NPLOC4: variants seen among roughly 807,000 people sequenced by gnomAD.
NPLOC4 encodes the protein NPL4 homolog, ubiquitin recognition factor, also known as nuclear protein localization protein 4 homolog.
In NPLOC4, 18 loss-of-function variants were observed where a neutral mutation model predicts 80.6. That is an observed-to-expected ratio of 0.22 (90% CI 0.15 to 0.33). The LOEUF is 0.33. Among genes scored for constraint, NPLOC4 ranks in the 10% least tolerant of loss-of-function variants. The pLI, the probability that NPLOC4 is intolerant of heterozygous loss-of-function variation, is 1.00. For synonymous variants in NPLOC4, 313 were observed against 301.5 expected (o/e 1.04, Z -0.39); for missense variants, 540 against 786.1 (o/e 0.69, Z 3.74).
chr17:81,589,754 C>CT (rs1288281963), intron 11 of NPLOC4, among the ~76,000 whole-genome samples: 1 of 151,416 alleles, frequency 6.6e-6, no homozygotes, highest in Non-Finnish European at 1.5e-5. Context: ...TCTGAGCACT[C>CT]TGAGAGGGCA....
intron 12 of NPLOC4, among the ~76,000 whole-genome samples, chr17:81,574,980 A>G (rs945013400): frequency 1.1e-4 from 16 of 152,346 alleles, no homozygotes; most frequent in African/African-American, 3.8e-4. Context: ...GCTTTAGAAA[A>G]GGTAAATGAA....
intron 1 of NPLOC4, among the ~76,000 whole-genome samples, chr17:81,630,364 T>C (rs762376884): frequency 6.6e-6 from 1 of 152,120 alleles, no homozygotes; most frequent in African/African-American, 2.4e-5. Flanking sequence ...CACAGCTTAC[T>C]GCAGCCTTGA....
chr17:81,631,438 T>TATA (rs1568170977), intron 1 of NPLOC4, among the ~76,000 whole-genome samples: 336 of 25,880 alleles, frequency 0.013, 6 homozygotes, highest in African/African-American at 0.04. Context: ...ATATATATAT[T>TATA]TTTTTTTTTT....
rs2034078398 is a variant in NPLOC4, at chr17:81,568,666, C to A, written c.1449+350G>T. 3.9e-5 allele frequency among the ~76,000 whole-genome samples: 6 copies of A among 152,356 alleles called. No homozygotes were observed. The South Asian group carries it at 1.2e-3, about 32-fold the overall frequency. Reference sequence around the variant, plus strand: ...GCCAGGCCGAGAGGGGCCACACAGCCCCAAGGTGCCTAAGAAGGGCAGCAG... The same window carrying A: ...GCCAGGCCGAGAGGGGCCACACAGCACCAAGGTGCCTAAGAAGGGCAGCAG... On this transcript the variant is annotated intron_variant, in intron 14 of 16. Transcript: ENST00000331134.
chr17:81,584,761 T>C (rs1375288298), intron 12 of NPLOC4, among the ~76,000 whole-genome samples: 2 of 152,196 alleles, frequency 1.3e-5, no homozygotes, highest in Admixed American at 6.5e-5. Flanking sequence ...TTTAAGATAG[T>C]GCTATTTTGT....
intron 1 of NPLOC4, chr17:81,636,307 T>C (rs2036070719): frequency 1.3e-5 from 2 of 152,176 alleles, no homozygotes; most frequent in Non-Finnish European, 2.9e-5. Context: ...GAAATCAACA[T>C]CATTTACAAC....
chr17:81,620,167 C>G (rs1055524914), intron 3 of NPLOC4, among the ~76,000 whole-genome samples: 1 of 152,154 alleles, frequency 6.6e-6, no homozygotes, highest in Non-Finnish European at 1.5e-5. Context: ...AAAAGCAAGA[C>G]TAACTGGCAG....
intron 12 of NPLOC4, among the ~76,000 whole-genome samples, chr17:81,573,211 T>A (rs1388073103): frequency 6.6e-6 from 1 of 152,196 alleles, no homozygotes; most frequent in Non-Finnish European, 1.5e-5. Flanking sequence ...AAATTATACA[T>A]CCATAATTTC....
chr17:81,585,292 A>T (rs1472226413), intron 12 of NPLOC4, among the ~76,000 whole-genome samples: 1 of 152,012 alleles, frequency 6.6e-6, no homozygotes, highest in Non-Finnish European at 1.5e-5. Flanking sequence ...ACGACAGAGA[A>T]GCATCAAAGA....
chr17:81,575,785 G>T (rs1257067009), intron 12 of NPLOC4, among the ~76,000 whole-genome samples: 1 of 152,196 alleles, frequency 6.6e-6, no homozygotes, highest in African/African-American at 2.4e-5. Flanking sequence ...CACTGAGTAA[G>T]ACTCTCCCAC....
intron 16 of NPLOC4, chr17:81,565,189 G>A (rs1162030378): frequency 8.1e-6 from 5 of 616,124 alleles, no homozygotes; most frequent in Non-Finnish European, 1.5e-5. Flanking sequence ...TAAAGTTTCT[G>A]ATTCTCTTAA....
intron 13 of NPLOC4, among the ~76,000 whole-genome samples, chr17:81,571,263 T>A (rs2034153854): frequency 6.6e-6 from 1 of 152,168 alleles, no homozygotes; most frequent in Admixed American, 6.5e-5. Context: ...GCATAGGAAA[T>A]GAGCCGCCTC....
chr17:81,612,106 A>C (rs951777225), intron 4 of NPLOC4, among the ~76,000 whole-genome samples: 7 of 152,212 alleles, frequency 4.6e-5, no homozygotes, highest in Non-Finnish European at 7.3e-5. Flanking sequence ...CAACAATGAA[A>C]AAACCTTGTC....
At chr17:81,562,261 G>A (rs11150797) in intron 16 of NPLOC4, 21,998 of 150,836 alleles carry the variant, frequency 0.15, 1,889 homozygotes, top group Admixed American at 0.23. Flanking sequence ...CATGAGGGCC[G>A]GGCGCGGTGG....
At position 81,565,652 on chromosome 17, in the gene NPLOC4, T is replaced by A. The variant is rs1365991535; in HGVS notation, c.1567-45A>T. On this transcript the variant is annotated intron_variant, in intron 15 of 16. Coordinates refer to ENST00000331134, the MANE Select transcript of NPLOC4 (RefSeq NM_017921.4). ...AGGTTCCTCTTCGCTGTGCCTAAGG[T>A]GAGCAGCTTCCTGCTAGAACAGGTT... 2.1e-6 allele frequency: 3 copies of A among 1,400,328 alleles called. No individual in the cohort carries two copies. In the African/African-American group the frequency reaches 4.4e-5, roughly 20 times the overall value. 86.7% of individuals were successfully genotyped at this position (1,400,328 alleles called of 1,614,324 possible). A position where few individuals can be genotyped will look rare whatever the true frequency, so the allele number is the denominator to read the frequency against.
At position 81,637,044 on chromosome 17, in the gene NPLOC4, G is replaced by A. The variant is rs977904510; in HGVS notation, c.-114C>T. On this transcript the variant is annotated 5_prime_UTR_variant, in exon 1 of 17. Coordinates refer to ENST00000331134, the MANE Select transcript of NPLOC4 (RefSeq NM_017921.4). ...CCGGCCCCGGCCTCCCTACGCCGCC[G>A]CCACCGCCGCTCCAGCTTCGCCCGC... 1.3e-5 allele frequency: 7 copies of A among 555,612 alleles called. No homozygotes were observed. The highest frequency in any genetic ancestry group is 1.8e-5 in the Non-Finnish European group (7 of 389,236). 34.4% of individuals were successfully genotyped at this position (555,612 alleles called of 1,614,324 possible).
chr17:81,587,971 G>C (rs1428914668), intron 12 of NPLOC4: 2 of 151,974 alleles, frequency 1.3e-5, no homozygotes, highest in South Asian at 4.2e-4. Flanking sequence ...CGCCGCGCCC[G>C]GCCGAAAAAA....
At chr17:81,614,496 C>G (rs1003686465) in intron 3 of NPLOC4, 2 of 151,098 alleles carry the variant, frequency 1.3e-5, no homozygotes, top group Non-Finnish European at 2.9e-5. Context: ...CACCACCCCC[C>G]AAAAAGGCCC....
chr17:81,624,851 G>C lies in NPLOC4; in HGVS notation c.97-2573C>G, dbSNP rs377226420. 1.1e-3 allele frequency among the ~76,000 whole-genome samples: 161 copies of C among 152,332 alleles called. 1 individual carries two copies. The highest frequency in any genetic ancestry group is 3.2e-3 in the African/African-American group (133 of 41,580). On this transcript the variant is annotated intron_variant, in intron 2 of 16. Transcript: ENST00000331134. ...GAGCAAGCACAAAGACCAGGAGGCA[G>C]GAAGGGTGTTGGAAACACGGAGGCC...
Sources: allele counts gnomAD v4.1 joint callset (sites outside exome capture counted in the v4.1 genomes callset), GRCh38; gene constraint gnomAD v4.1.1; transcripts MANE v1.5; gene names NCBI Gene and HGNC (gene_info 2026-07-23, HGNC 2026-07-21).